HTT: variants seen among roughly 807,000 people sequenced by gnomAD.
The protein encoded by HTT is huntingtin, also known as huntington disease protein.
Under a neutral mutation model 362.3 loss-of-function variants are expected in HTT, and 104 were observed. The ratio of observed to expected loss-of-function variants is 0.29; its 90% CI spans 0.24 to 0.34. The LOEUF is 0.34. HTT is among the 10% of genes least tolerant of loss of function. The pLI is 1.00. For missense variants in HTT, 3,301 were observed against 3,928.6 expected (o/e 0.84, Z 4.27); for synonymous variants, 1,577 against 1,548.7 (o/e 1.02, Z -0.43).
chr4:3,119,564 A>T (rs955963568), intron 8 of HTT, among the ~76,000 whole-genome samples: 3 of 152,236 alleles, frequency 2.0e-5, no homozygotes, highest in Non-Finnish European at 2.9e-5. Context: ...GCAGTGAATA[A>T]CATTTATGAA....
At chr4:3,108,699 G>T (rs1714565122) in intron 6 of HTT, among the ~76,000 whole-genome samples, 1 of 151,836 alleles carries the variant, frequency 6.6e-6, no homozygotes, top group Non-Finnish European at 1.5e-5. Flanking sequence ...TGAACCTTTG[G>T]CATTAAAAAA....
rs370445860 is a variant in HTT at position 3,116,134 on chromosome 4, C to T, written c.939C>T (p.Gly313=). 27 of 1,613,702 alleles carry T rather than the reference C, an allele frequency of 1.7e-5. No homozygotes were observed. The highest frequency in any genetic ancestry group is 1.5e-4 in the African/African-American group (11 of 75,058). The change falls in exon 8 of 67, where the codon GGC becomes GGT. Residue 313 remains glycine, a synonymous_variant. Coordinates refer to ENST00000355072, the MANE Select transcript of HTT (RefSeq NM_001388492.1). ...EDEHSTLLIL[G]VLLTLRYLVP... ...AACACTCCACTCTGCTGATTCTTGGCGTGCTGCTCACCCTGAGGTATTTGG... is the reference window on the plus strand; with the variant it reads ...AACACTCCACTCTGCTGATTCTTGGTGTGCTGCTCACCCTGAGGTATTTGG...
chr4:3,095,690 G>A (rs1713821925), intron 2 of HTT, among the ~76,000 whole-genome samples: 1 of 152,212 alleles, frequency 6.6e-6, no homozygotes, highest in South Asian at 2.1e-4. Context: ...TATGCTGCAT[G>A]TGAAATGGTG....
At chr4:3,145,649 A>G (rs1319393745) in intron 24 of HTT, among the ~76,000 whole-genome samples, 4 of 152,244 alleles carry the variant, frequency 2.6e-5, no homozygotes. Flanking sequence ...TTATTTAAAA[A>G]TGATTTTCCT....
intron 21 of HTT, among the ~76,000 whole-genome samples, chr4:3,137,551 T>C (rs980527364): frequency 2.0e-5 from 3 of 152,056 alleles, no homozygotes; most frequent in African/African-American, 2.4e-5. Flanking sequence ...ATACAAAAAT[T>C]AGTCGGATGT....
In HTT at chr4:3,186,733, C is replaced by T. The variant is rs1560584935; in HGVS notation, c.4989+14C>T. On this transcript the variant is annotated intron_variant, in intron 38 of 66. Transcript: ENST00000355072. The stretch of plus-strand genomic sequence containing the variant: ...CCAAACACAATGGTGAGTCTCTCGC[C>T]TGGCTCAGCAGATGAATCTGGACGG... The T allele has an allele frequency of 1.2e-6, 2 of 1,611,624 alleles. 1 individual carries two copies. Among genetic ancestry groups the T allele is most frequent in the Admixed American group, 3.3e-5 (2 of 59,938 alleles).
chr4:3,085,793 A>G (rs565995730), intron 1 of HTT, among the ~76,000 whole-genome samples: 23 of 152,312 alleles, frequency 1.5e-4, no homozygotes, highest in Admixed American at 7.8e-4. Context: ...AGTTGGTCCT[A>G]TGTTTTGGAT....
chr4:3,084,167 CAG>C (rs1342957823), intron 1 of HTT, among the ~76,000 whole-genome samples: 4 of 147,294 alleles, frequency 2.7e-5, no homozygotes, highest in Non-Finnish European at 4.5e-5. Context: ...AAGGACAACA[CAG>C]GGGAATACTT....
chr4:3,091,093 CAA>C (rs1415937197), intron 2 of HTT, among the ~76,000 whole-genome samples: 5 of 151,972 alleles, frequency 3.3e-5, no homozygotes, highest in East Asian at 1.9e-4. Context: ...GCCTGGGCGA[CAA>C]GAGCAAAATT....
chr4:3,230,083 C>T lies in HTT; in HGVS notation c.8265+41C>T, dbSNP rs368088433. Reference sequence around the variant, plus strand: ...CACAGAGGTTTCTGTGCTGAAGCCACGGGGGCCCATCTGCCTTGGGACCTG... The same window carrying T: ...CACAGAGGTTTCTGTGCTGAAGCCATGGGGGCCCATCTGCCTTGGGACCTG... On this transcript the variant is annotated intron_variant, in intron 60 of 66. Transcript: ENST00000355072. 7.4e-5 allele frequency: 116 copies of T among 1,576,834 alleles called. No homozygotes were observed. In the African/African-American group the frequency reaches 9.3e-4, roughly 13 times the overall value.
chr4:3,165,237 G>C (rs10022628), intron 29 of HTT, among the ~76,000 whole-genome samples: 10,818 of 152,200 alleles, frequency 0.071, 456 homozygotes, highest in African/African-American at 0.12. Flanking sequence ...AAAGAATGTT[G>C]AATATTGGCT....
At chr4:3,227,235 G>A (rs1720965148) in intron 57 of HTT, among the ~76,000 whole-genome samples, 1 of 146,502 alleles carries the variant, frequency 6.8e-6, no homozygotes, top group Non-Finnish European at 1.5e-5. Flanking sequence ...GTCTGGGGCT[G>A]AAGTACAGTG....
chr4:3,189,222 G>C, intron 40 of HTT, 129 bp downstream of exon 40: 1 of 925,334 alleles, frequency 1.1e-6, no homozygotes, highest in Non-Finnish European at 1.6e-6. Flanking sequence ...GAAAATATTT[G>C]TTGCTGTAAG....
At chr4:3,157,708 G>C (rs1035001813) in intron 28 of HTT, among the ~76,000 whole-genome samples, 3 of 152,128 alleles carry the variant, frequency 2.0e-5, no homozygotes, top group African/African-American at 7.2e-5. Context: ...CTGTTCACCA[G>C]ATACCCCCAA....
At position 3,115,304 on chromosome 4, in the gene HTT, G is replaced by A; in HGVS notation, c.748G>A (p.Val250Ile). 6.2e-7 allele frequency: 1 copy of A among 1,613,488 alleles called. No homozygotes were observed. Among genetic ancestry groups the A allele is most frequent in the South Asian group, 1.1e-5 (1 of 90,984 alleles). ...GNFANDNEIK[V>I]LLKAFIANLK... is the part of the protein sequence containing the mutation. Reference sequence around the variant, plus strand: ...TCTACTTGGACTTTTGCTTCCGTAGGTTTTGTTAAAGGCCTTCATAGCGAA... The same window carrying A: ...TCTACTTGGACTTTTGCTTCCGTAGATTTTGTTAAAGGCCTTCATAGCGAA... The change falls in exon 7 of 67, where the codon GTT (valine) becomes ATT (isoleucine). Residue 250 changes from valine to isoleucine, a missense_variant and splice_region_variant. Physicochemically the swap from Val to Ile is conservative, Grantham distance 29 (BLOSUM62 3). Transcript: ENST00000355072.
chr4:3,181,027 C>A (rs1043613275), intron 36 of HTT, among the ~76,000 whole-genome samples: 6 of 152,102 alleles, frequency 3.9e-5, no homozygotes, highest in African/African-American at 9.6e-5. Flanking sequence ...CAGGCATGCA[C>A]CACCATGCCC....
intron 29 of HTT, among the ~76,000 whole-genome samples, chr4:3,165,406 G>A (rs369796470): frequency 6.6e-6 from 1 of 152,016 alleles, no homozygotes; most frequent in African/African-American, 2.4e-5. Flanking sequence ...TGCTCTTCTC[G>A]AGGAGTATCT....
Position 3,238,429 on chromosome 4 carries a change from C to G in HTT, c.8892-18C>G. 4 of 1,595,690 alleles carry G rather than the reference C, an allele frequency of 2.5e-6. No homozygotes were observed. The highest frequency in any genetic ancestry group is 3.4e-6 in the Non-Finnish European group (4 of 1,169,300). ...GTGGGAGCTGGTGCCAGTCTCTGACCTGCGTCCCTCCTCCCAGGATCAGGA... is the reference window on the plus strand; with the variant it reads ...GTGGGAGCTGGTGCCAGTCTCTGACGTGCGTCCCTCCTCCCAGGATCAGGA... On this transcript the variant is annotated intron_variant, in intron 64 of 66. Coordinates refer to ENST00000355072, the MANE Select transcript of HTT (RefSeq NM_001388492.1).
rs1443282157 is a variant in HTT, at chr4:3,242,558, G to A, written c.*2499G>A. The A allele has an allele frequency of 6.6e-6, 1 of 152,204 alleles. No homozygotes were observed. The highest frequency in any genetic ancestry group is 1.5e-5 in the Non-Finnish European group (1 of 68,052). 9.4% of individuals were successfully genotyped at this position (152,204 alleles called of 1,614,324 possible). A position where few individuals can be genotyped will look rare whatever the true frequency, so the allele number is the denominator to read the frequency against. ...TGACGGACATCCAGGCGTGGGACGT[G>A]GTCAGGGCAGGGCTCATTCATTGCC... is the stretch of plus-strand genomic sequence containing the variant. On this transcript the variant is annotated 3_prime_UTR_variant, in exon 67 of 67. Transcript: ENST00000355072.
Sources: allele counts gnomAD v4.1 joint callset (sites outside exome capture counted in the v4.1 genomes callset), GRCh38; gene constraint gnomAD v4.1.1; transcripts MANE v1.5; gene names NCBI Gene and HGNC (gene_info 2026-07-23, HGNC 2026-07-21).